STX12: variants seen among roughly 807,000 people sequenced by gnomAD.
STX12 encodes syntaxin 12.
In STX12, 17 loss-of-function variants were observed where a neutral mutation model predicts 42.2. That is an observed-to-expected ratio of 0.40 (90% CI 0.28 to 0.60). The LOEUF (loss-of-function observed/expected upper bound fraction) is 0.60. STX12 is among the 20% of genes least tolerant of loss of function. The pLI is 0.39. For synonymous variants in STX12, 108 were observed against 116.7 expected (o/e 0.93, Z 0.48); for missense variants, 297 against 330.9 (o/e 0.90, Z 0.79).
intron 1 of STX12, among the ~76,000 whole-genome samples, chr1:27,787,157 A>G (rs2088704383): frequency 6.6e-6 from 1 of 152,200 alleles, no homozygotes; most frequent in Non-Finnish European, 1.5e-5. Flanking sequence ...TCAAAATAAG[A>G]TGAAATCATA....
intron 1 of STX12, among the ~76,000 whole-genome samples, chr1:27,781,072 C>G (rs886260138): frequency 2.6e-5 from 4 of 152,098 alleles, no homozygotes; most frequent in Admixed American, 2.6e-4. Context: ...GAGATGGAGT[C>G]TTGCTCTGTC....
chr1:27,818,483 A>G (rs1156522477), intron 7 of STX12, among the ~76,000 whole-genome samples: 1 of 152,074 alleles, frequency 6.6e-6, no homozygotes, highest in Non-Finnish European at 1.5e-5. Flanking sequence ...TTTCGTAGCA[A>G]TTTTTTTATG....
chr1:27,777,888 A>G (rs1012740580), intron 1 of STX12, among the ~76,000 whole-genome samples: 1 of 151,296 alleles, frequency 6.6e-6, no homozygotes, highest in Non-Finnish European at 1.5e-5. Context: ...CTCAGTCTCA[A>G]AAAAAAAAGA....
chr1:27,814,152 A>G lies in STX12; in HGVS notation c.576+1884A>G, dbSNP rs1047327682. Among the ~76,000 whole-genome samples the G allele has an allele frequency of 3.3e-5, 5 of 152,140 alleles. No homozygotes were observed. The South Asian group carries it at 6.2e-4, about 19-fold the overall frequency. On this transcript the variant is annotated intron_variant, in intron 6 of 8. Coordinates refer to ENST00000373943, the MANE Select transcript of STX12 (RefSeq NM_177424.3). ...TTTTAGATGGGATAGTTTATCCTTA[A>G]GTTATGATTATTTTATTGCCTTCAA...
intron 3 of STX12, among the ~76,000 whole-genome samples, chr1:27,798,335 C>T (rs1439131521): frequency 4.0e-5 from 6 of 151,610 alleles, no homozygotes; most frequent in Admixed American, 3.3e-4. Context: ...GTTTGAGACC[C>T]AGCCCGGGCA....
intron 1 of STX12, chr1:27,774,139 G>A (rs1348366543): frequency 6.6e-6 from 1 of 152,150 alleles, no homozygotes; most frequent in Non-Finnish European, 1.5e-5. Flanking sequence ...CTACTTAGCT[G>A]CTCTTGAACA....
chr1:27,776,351 G>T (rs542917381), intron 1 of STX12, among the ~76,000 whole-genome samples: 1 of 152,242 alleles, frequency 6.6e-6, no homozygotes, highest in Admixed American at 6.5e-5. Context: ...GCTAACAAAT[G>T]ACAATATCTG....
At chr1:27,818,165 G>A (rs2088955927) in intron 7 of STX12, 1 of 401,340 alleles carries the variant, frequency 2.5e-6, no homozygotes, top group African/African-American at 2.0e-5. Flanking sequence ...GGCAGATCAT[G>A]AGGTCAGGAG....
At chr1:27,813,791 G>A (rs954586163) in intron 6 of STX12, among the ~76,000 whole-genome samples, 7 of 152,194 alleles carry the variant, frequency 4.6e-5, no homozygotes, top group Non-Finnish European at 8.8e-5. Flanking sequence ...ATTTCTGGGC[G>A]TGAGGCCCTG....
chr1:27,797,875 A>AACACACACACACACACACAC (rs61106135), intron 3 of STX12, among the ~76,000 whole-genome samples: 19 of 143,190 alleles, frequency 1.3e-4, no homozygotes, highest in African/African-American at 4.4e-4. Context: ...TCTGAAGGTA[A>AACACACACACACACACACAC]ACACACACAC....
At chr1:27,810,879 A>G (rs2088897785) in intron 5 of STX12, among the ~76,000 whole-genome samples, 1 of 152,188 alleles carries the variant, frequency 6.6e-6, no homozygotes, top group Admixed American at 6.5e-5. Context: ...TTAGTTTTGT[A>G]TCTCTAGCAC....
At chr1:27,804,743 G>A (rs543474454) in intron 4 of STX12, among the ~76,000 whole-genome samples, 12 of 151,856 alleles carry the variant, frequency 7.9e-5, no homozygotes, top group Non-Finnish European at 1.2e-4. Flanking sequence ...CCCGGGAGGC[G>A]GAGATTGCCA....
chr1:27,786,563 A>T (rs972200827), intron 1 of STX12, among the ~76,000 whole-genome samples: 3 of 152,004 alleles, frequency 2.0e-5, no homozygotes, highest in African/African-American at 7.3e-5. Context: ...ACTACCTGAT[A>T]TGTTTATTGT....
At chr1:27,819,568 C>A in intron 7 of STX12, 82 bp from the exon 8 acceptor site, 1 of 1,206,912 alleles carries the variant, frequency 8.3e-7, no homozygotes, top group Non-Finnish European at 1.2e-6. Flanking sequence ...GAAACCAGGA[C>A]ATGTAACATC....
At chr1:27,804,848 G>A (rs914183019) in intron 4 of STX12, among the ~76,000 whole-genome samples, 3 of 151,922 alleles carry the variant, frequency 2.0e-5, no homozygotes, top group Admixed American at 1.3e-4. Context: ...CCAGAGACTG[G>A]GTAATTTACT....
intron 1 of STX12, among the ~76,000 whole-genome samples, chr1:27,782,930 G>T (rs1304799001): frequency 6.6e-6 from 1 of 152,152 alleles, no homozygotes; most frequent in Non-Finnish European, 1.5e-5. Flanking sequence ...ACACTGAGAT[G>T]ACTTCATTTT....
chr1:27,790,883 G>A (rs973331057), intron 2 of STX12, among the ~76,000 whole-genome samples: 12 of 152,138 alleles, frequency 7.9e-5, no homozygotes, highest in Non-Finnish European at 1.2e-4. Flanking sequence ...GGAGGTTGCG[G>A]TGAGCCAAGA....
At chr1:27,788,423 A>G (rs183307197) in intron 1 of STX12, among the ~76,000 whole-genome samples, 30 of 152,326 alleles carry the variant, frequency 2.0e-4, no homozygotes, top group Non-Finnish European at 2.6e-4. Context: ...CTCCTTATTG[A>G]TAGATGATCA....
chr1:27,819,192 C>T (rs1245384186), intron 7 of STX12, among the ~76,000 whole-genome samples: 1 of 150,668 alleles, frequency 6.6e-6, no homozygotes, highest in Non-Finnish European at 1.5e-5. Flanking sequence ...TCACTTGAAC[C>T]CAGGAGTTGG....
Sources: allele counts gnomAD v4.1 joint callset (sites outside exome capture counted in the v4.1 genomes callset), GRCh38; gene constraint gnomAD v4.1.1; transcripts MANE v1.5; gene names NCBI Gene and HGNC (gene_info 2026-07-23, HGNC 2026-07-21).